Variants in MFAP3L observed in about 807,000 individuals in gnomAD.
The protein encoded by MFAP3L is microfibrillar-associated protein 3-like.
Under a neutral mutation model 20.0 loss-of-function variants are expected in MFAP3L, and 5 were observed. The observed-to-expected ratio is 0.25, with a 90% CI of 0.13 to 0.53. MFAP3L has a LOEUF of 0.53. MFAP3L is among the 20% of genes least tolerant of loss of function. The pLI is 0.96. For missense variants in MFAP3L, 409 were observed against 527.5 expected (o/e 0.78, Z 2.20); for synonymous variants, 219 against 213.0 (o/e 1.03, Z -0.25).
intron 2 of MFAP3L, among the ~76,000 whole-genome samples, chr4:170,001,281 G>A (rs1017337429): frequency 1.2e-4 from 18 of 152,180 alleles, no homozygotes; most frequent in African/African-American, 4.3e-4. Flanking sequence ...ACCTGCAAAA[G>A]TAGAGGGATA....
At chr4:169,996,767 A>T (rs1350191911) in intron 2 of MFAP3L, among the ~76,000 whole-genome samples, 1 of 152,096 alleles carries the variant, frequency 6.6e-6, no homozygotes, top group East Asian at 1.9e-4. Context: ...ATCCTGCAGG[A>T]GACCTGGAGC....
rs574633583 is a variant in MFAP3L, at chr4:170,006,686, T to A, written c.-133-676A>T. The A allele has an allele frequency of 2.6e-5, 4 of 152,292 alleles. No individual in the cohort carries two copies. In the East Asian group the frequency reaches 7.7e-4, roughly 29 times the overall value. The allele number at this position is 152,292 out of a possible 1,614,324, so 9.4% of individuals were successfully genotyped here. On this transcript the variant is annotated intron_variant, in intron 1 of 2. Coordinates refer to ENST00000361618, the MANE Select transcript of MFAP3L (RefSeq NM_021647.8). ...CACCTGGGTGTTCCTTAACCTCTTC[T>A]CTCCCAGTAAACGGGACTTCCAGTC...
intron 2 of MFAP3L, chr4:169,993,612 AG>A (rs1293394544): frequency 2.0e-5 from 3 of 152,002 alleles, no homozygotes; most frequent in Non-Finnish European, 2.9e-5. Flanking sequence ...CTCTGCTCCA[AG>A]GAACTTTCTT....
chr4:170,026,435 C>T (rs2111098504), upstream of MFAP3L: 1 of 307,054 alleles, frequency 3.3e-6, no homozygotes, highest in African/African-American at 2.3e-5. Context: ...GAGCCTGGGC[C>T]GGCCGGGGCC....
chr4:170,007,705 C>G (rs539938985), intron 1 of MFAP3L, among the ~76,000 whole-genome samples: 1 of 152,170 alleles, frequency 6.6e-6, no homozygotes, highest in South Asian at 2.1e-4. Flanking sequence ...GCACTGGGTC[C>G]TTTGCAGGGG....
chr4:169,996,625 G>C lies in MFAP3L; in HGVS notation c.299-4316C>G, dbSNP rs1349828878. 4.6e-5 allele frequency among the ~76,000 whole-genome samples: 7 copies of C among 152,110 alleles called. No homozygotes were observed. In the South Asian group the frequency reaches 8.3e-4, roughly 18 times the overall value. On this transcript the variant is annotated intron_variant, in intron 2 of 2. Coordinates refer to ENST00000361618, the MANE Select transcript of MFAP3L (RefSeq NM_021647.8). ...AGAGAAAGAACTTTTGAGGTCACAGGGAGCACATGAGCACAAGAGAGAACA... is the reference window on the plus strand; with the variant it reads ...AGAGAAAGAACTTTTGAGGTCACAGCGAGCACATGAGCACAAGAGAGAACA...
intron 2 of MFAP3L, among the ~76,000 whole-genome samples, chr4:170,001,507 A>G (rs1476392063): frequency 6.6e-6 from 1 of 152,220 alleles, no homozygotes; most frequent in African/African-American, 2.4e-5. Flanking sequence ...ACATGTTTAC[A>G]AGGGCTGAAA....
chr4:170,019,803 T>C (rs1409429598), intron 1 of MFAP3L, among the ~76,000 whole-genome samples: 1 of 152,228 alleles, frequency 6.6e-6, no homozygotes, highest in Admixed American at 6.5e-5. Context: ...GTTGGGATTA[T>C]ACTTCAGTAT....
intron 2 of MFAP3L, among the ~76,000 whole-genome samples, chr4:169,999,285 G>A (rs1310698929): frequency 6.6e-6 from 1 of 151,648 alleles, no homozygotes; most frequent in African/African-American, 2.4e-5. Flanking sequence ...GATAATATGG[G>A]CTTAGCCAAG....
chr4:170,018,374 G>A (rs1485024570), intron 1 of MFAP3L, among the ~76,000 whole-genome samples: 1 of 152,232 alleles, frequency 6.6e-6, no homozygotes, highest in Non-Finnish European at 1.5e-5. Context: ...TGGGACAGCA[G>A]GGAACTCCTT....
Position 170,005,602 on chromosome 4 carries a change from C to T in MFAP3L, c.276G>A (p.Glu92=), listed in dbSNP as rs754250161. 1 of 1,614,138 alleles carries T rather than the reference C, an allele frequency of 6.2e-7. No individual in the cohort carries two copies. The highest frequency in any genetic ancestry group is 1.1e-5 in the South Asian group (1 of 91,084). Residue 92 remains glutamate (E), a synonymous_variant, in exon 2 of 3, where the codon GAG becomes GAA. Transcript: ENST00000361618. ...TACCTCCTCCTCTCTCCTTCTCATC[C>T]TCTTCTTCTTTCAGCAGCTTGCCAA... ...NSIGKLLKEE[E]DEKERGGGKW... is the part of the protein sequence containing the mutation.
Position 170,026,373 on chromosome 4 carries a change from C to T in MFAP3L, c.-273G>A, listed in dbSNP as rs1340490902. 1.2e-5 allele frequency: 10 copies of T among 814,114 alleles called. No homozygotes were observed. In the South Asian group the frequency reaches 3.9e-4, roughly 32 times the overall value. The allele number at this position is 814,114 out of a possible 1,614,324, so 50.4% of individuals were successfully genotyped here. On this transcript the variant is annotated 5_prime_UTR_variant, in exon 1 of 3. Transcript: ENST00000361618. ...AGCCGCCTCCGCCGGCGCCTCACAG[C>T]GTTGCGAGCTGCGCCGCCGGCTGCC... is the stretch of plus-strand genomic sequence containing the variant.
At chr4:170,026,674 C>T (rs1267833077), upstream of MFAP3L, among the ~76,000 whole-genome samples, 1 of 152,152 alleles carries the variant, frequency 6.6e-6, no homozygotes. Flanking sequence ...AGCCCCACAC[C>T]CGCAGGCCCA....
chr4:170,006,480 G>A (rs1025096324), intron 1 of MFAP3L: 1 of 152,174 alleles, frequency 6.6e-6, no homozygotes, highest in Non-Finnish European at 1.5e-5. Context: ...ATTTTTCACA[G>A]AAATCATAAT....
chr4:170,010,134 C>A lies in MFAP3L; in HGVS notation c.-133-4124G>T, dbSNP rs376298809. ...ATTTCATATGAATTGGAAAGTGGCA[C>A]TAAAATACTCATTAAGACATGAATA... On this transcript the variant is annotated intron_variant, in intron 1 of 2. Transcript: ENST00000361618. Among the ~76,000 whole-genome samples, 18 of 152,274 alleles carry A rather than the reference C, an allele frequency of 1.2e-4. No homozygotes were observed. In the South Asian group the frequency reaches 3.7e-3, roughly 32 times the overall value.
At chr4:170,018,410 C>G (rs1228465088) in intron 1 of MFAP3L, among the ~76,000 whole-genome samples, 1 of 152,152 alleles carries the variant, frequency 6.6e-6, no homozygotes. Context: ...AGATGAGGGC[C>G]TCTGGGGCAT....
chr4:170,020,890 C>T (rs75512184), intron 1 of MFAP3L, among the ~76,000 whole-genome samples: 1 of 152,140 alleles, frequency 6.6e-6, no homozygotes, highest in Non-Finnish European at 1.5e-5. Flanking sequence ...CTATAATTAT[C>T]TTTTTGCACA....
At chr4:170,004,145 T>C (rs1738878797) in intron 2 of MFAP3L, among the ~76,000 whole-genome samples, 1 of 152,046 alleles carries the variant, frequency 6.6e-6, no homozygotes, top group African/African-American at 2.4e-5. Flanking sequence ...TTAGTAGAGA[T>C]GGGGTTTTAC....
chr4:170,026,159 T>G (rs1185463229), intron 1 of MFAP3L, 75 bp downstream of exon 1: 5 of 896,960 alleles, frequency 5.6e-6, no homozygotes, highest in South Asian at 5.1e-5. Context: ...CGGCGCCGAC[T>G]CGGCCGCCGA....
Sources: gnomAD v4.1 joint callset for allele counts (sites outside exome capture counted in the v4.1 genomes callset) on GRCh38, gnomAD v4.1.1 for gene constraint, MANE v1.5 for transcripts, NCBI Gene and HGNC (gene_info 2026-07-23, HGNC 2026-07-21) for gene names.